The following KATNAL1 variants were observed in gnomAD, a reference collection of about 807,000 sequenced individuals.
KATNAL1 encodes the protein katanin catalytic subunit A1 like 1, also known as katanin p60 ATPase-containing subunit A-like 1.
KATNAL1 carries 32 observed loss-of-function variants against 55.2 expected under a neutral mutation model. That is an observed-to-expected ratio of 0.58 (90% CI 0.44 to 0.78). KATNAL1 has a LOEUF of 0.78. Among genes scored for constraint, KATNAL1 ranks in the 30% least tolerant of loss-of-function variants. The pLI is 0.00. For synonymous variants in KATNAL1, 193 were observed against 193.6 expected (o/e 1.00, Z 0.02); for missense variants, 466 against 600.9 (o/e 0.78, Z 2.35).
Position 30,301,433 on chromosome 13 carries a change from AAAAT to A in KATNAL1, c.-15+5894_-15+5897del, listed in dbSNP as rs1593192125. ...TTGCATAAATACCCTTTTTAGCACA[AAAAT>A]AATAGTAGCGATGTTTATTGAATGC... On this transcript the variant is annotated intron_variant, in intron 1 of 10. Coordinates refer to ENST00000380615, the MANE Select transcript of KATNAL1 (RefSeq NM_032116.5). Among the ~76,000 whole-genome samples, 3 of 152,176 alleles carry A rather than the reference AAAAT, an allele frequency of 2.0e-5. No homozygotes were observed. In the South Asian group the frequency reaches 6.2e-4, roughly 31 times the overall value.
At chr13:30,242,143 A>T (rs1877341739) in intron 4 of KATNAL1, among the ~76,000 whole-genome samples, 1 of 152,198 alleles carries the variant, frequency 6.6e-6, no homozygotes, top group African/African-American at 2.4e-5. Flanking sequence ...ATCACTAGGA[A>T]CATTCTGTAA....
chr13:30,290,511 T>C (rs1003343241), intron 1 of KATNAL1, among the ~76,000 whole-genome samples: 6 of 152,194 alleles, frequency 3.9e-5, no homozygotes, highest in South Asian at 2.1e-4. Flanking sequence ...ATTAATGAAA[T>C]TGAATACAGA....
intron 9 of KATNAL1, among the ~76,000 whole-genome samples, chr13:30,214,268 A>G (rs1280827960): frequency 2.0e-5 from 3 of 152,236 alleles, no homozygotes; most frequent in African/African-American, 7.2e-5. Flanking sequence ...CAATGAAATA[A>G]AAGAGGATAC....
intron 6 of KATNAL1, 110 bp downstream of exon 6, chr13:30,240,350 T>A: frequency 1.4e-6 from 1 of 727,774 alleles, no homozygotes; most frequent in South Asian, 1.8e-5. Flanking sequence ...CATAAACTTC[T>A]CCCAACCTTT....
At chr13:30,252,039 TAAG>T (rs775608487) in intron 4 of KATNAL1, among the ~76,000 whole-genome samples, 1 of 152,330 alleles carries the variant, frequency 6.6e-6, no homozygotes, top group South Asian at 2.1e-4. Context: ...CGTATTATTA[TAAG>T]AAGACAGTAA....
intron 1 of KATNAL1, among the ~76,000 whole-genome samples, chr13:30,285,214 C>A (rs1406462178): frequency 3.9e-5 from 6 of 152,144 alleles, no homozygotes; most frequent in Admixed American, 3.9e-4. Context: ...TTATAAGGTT[C>A]CATGAAGGCA....
At chr13:30,274,690 C>A (rs1308667664) in intron 3 of KATNAL1, among the ~76,000 whole-genome samples, 3 of 152,104 alleles carry the variant, frequency 2.0e-5, no homozygotes, top group Non-Finnish European at 4.4e-5. Flanking sequence ...TTAAATAGAA[C>A]TACCTTATGA....
rs71299873 is a variant in KATNAL1, at chr13:30,271,878, G to GAAAA, written c.323+8181_323+8184dup. ...CTGCAGTCAGAATAAAAGAAAAGAG[G>GAAAA]AAAAAAAAAAAAAAAAAAAAAACAG... On this transcript the variant is annotated intron_variant, in intron 3 of 10. Coordinates refer to ENST00000380615, the MANE Select transcript of KATNAL1 (RefSeq NM_032116.5). Among the ~76,000 whole-genome samples, 60 of 76,778 alleles carry GAAAA rather than the reference G, an allele frequency of 7.8e-4. 1 individual carries two copies. The highest frequency in any genetic ancestry group is 1.2e-3 in the South Asian group (2 of 1,724). The allele number at this position is 76,778 out of a possible 152,430, so 50.4% of individuals were successfully genotyped here. A position where few individuals can be genotyped will look rare whatever the true frequency, so the allele number is the denominator to read the frequency against.
chr13:30,305,981 T>G (rs1406232979), intron 1 of KATNAL1, among the ~76,000 whole-genome samples: 2 of 152,182 alleles, frequency 1.3e-5, no homozygotes, highest in African/African-American at 2.4e-5. Flanking sequence ...AATTGCAACC[T>G]CAAGTAAAAT....
chr13:30,297,100 G>A (rs1190026797), intron 1 of KATNAL1, among the ~76,000 whole-genome samples: 2 of 149,278 alleles, frequency 1.3e-5, no homozygotes, highest in African/African-American at 5.0e-5. Flanking sequence ...ACACCACTAC[G>A]CTCCAGCCCT....
At chr13:30,279,992 G>A in intron 3 of KATNAL1, 71 bp downstream of exon 3, 1 of 1,352,056 alleles carries the variant, frequency 7.4e-7, no homozygotes, top group Non-Finnish European at 1.0e-6. Flanking sequence ...TTCATACTTT[G>A]TTCAAAACAT....
At chr13:30,239,491 C>G (rs1157213632) in intron 6 of KATNAL1, among the ~76,000 whole-genome samples, 1 of 151,946 alleles carries the variant, frequency 6.6e-6, no homozygotes, top group Non-Finnish European at 1.5e-5. Context: ...CAGACATAAC[C>G]TTTTAAAAAA....
At chr13:30,259,106 G>A (rs1049625174) in intron 3 of KATNAL1, among the ~76,000 whole-genome samples, 2 of 152,178 alleles carry the variant, frequency 1.3e-5, no homozygotes, top group Non-Finnish European at 2.9e-5. Context: ...CTGGGAGGCC[G>A]AGACAGGCAG....
chr13:30,228,679 T>C (rs1312717073), intron 8 of KATNAL1, among the ~76,000 whole-genome samples: 2 of 152,250 alleles, frequency 1.3e-5, no homozygotes, highest in African/African-American at 4.8e-5. Context: ...ATTGTAAGTA[T>C]TCAGTAAGTA....
Position 30,283,279 on chromosome 13 carries a change from AAAAAAAAAAAAAG to A in KATNAL1, c.162+324_162+336del, listed in dbSNP as rs950915506. On this transcript the variant is annotated intron_variant, in intron 2 of 10. Transcript: ENST00000380615. ...AAGACTCTGTCTCAAAAAAAAAAAA[AAAAAAAAAAAAAG>A]GAATGAATGAATGAAATACTTTATT... 4.7e-5 allele frequency among the ~76,000 whole-genome samples: 7 copies of A among 150,236 alleles called. No individual in the cohort carries two copies. In the East Asian group the frequency reaches 6.1e-4, roughly 13 times the overall value.
intron 4 of KATNAL1, among the ~76,000 whole-genome samples, chr13:30,248,801 T>C (rs1395459747): frequency 6.6e-6 from 1 of 152,164 alleles, no homozygotes; most frequent in African/African-American, 2.4e-5. Context: ...GGCTCACGCC[T>C]GTAATCCCAG....
chr13:30,270,431 C>T (rs1447943289), intron 3 of KATNAL1, among the ~76,000 whole-genome samples: 1 of 152,124 alleles, frequency 6.6e-6, no homozygotes, highest in Non-Finnish European at 1.5e-5. Flanking sequence ...TACCCAACAG[C>T]TCATTGAGAA....
intron 9 of KATNAL1, among the ~76,000 whole-genome samples, chr13:30,221,047 G>T (rs1390534739): frequency 2.0e-5 from 3 of 152,126 alleles, no homozygotes; most frequent in Admixed American, 2.0e-4. Context: ...TTTAAGTAAT[G>T]ACATTATTAA....
chr13:30,292,656 C>T (rs1365501508), intron 1 of KATNAL1, among the ~76,000 whole-genome samples: 1 of 152,214 alleles, frequency 6.6e-6, no homozygotes, highest in Non-Finnish European at 1.5e-5. Context: ...GGGAGCCCTT[C>T]TGCCTCCTCT....
Sources: allele counts gnomAD v4.1 joint callset (sites outside exome capture counted in the v4.1 genomes callset), GRCh38; gene constraint gnomAD v4.1.1; transcripts MANE v1.5; gene names NCBI Gene and HGNC (gene_info 2026-07-23, HGNC 2026-07-21).